The following CASD1 variants were observed in gnomAD, a reference collection of about 807,000 sequenced individuals.
CASD1 encodes N-acetylneuraminate (7)9-O-acetyltransferase.
In CASD1, 41 loss-of-function variants were observed where a neutral mutation model predicts 100.0. The ratio of observed to expected loss-of-function variants is 0.41; its 90% CI spans 0.32 to 0.53. The LOEUF is 0.53. Among genes scored for constraint, CASD1 ranks in the 20% least tolerant of loss-of-function variants. CASD1 has a pLI of 0.25. For missense variants in CASD1, 774 were observed against 948.7 expected (o/e 0.82, Z 2.42); for synonymous variants, 321 against 315.6 (o/e 1.02, Z -0.18).
At chr7:94,590,954 A>G in the CASD1 span, 1 of 152,100 alleles carries the variant, frequency 6.6e-6, no homozygotes, top group East Asian at 1.9e-4. Flanking sequence ...AGTTTTTTTT[A>G]ATGTTTCAGT....
At chr7:94,531,286 T>C (rs1584399907) in intron 5 of CASD1, among the ~76,000 whole-genome samples, 1 of 152,202 alleles carries the variant, frequency 6.6e-6, no homozygotes, top group East Asian at 1.9e-4. Flanking sequence ...GGAGGAAATG[T>C]AGACAGAGGA....
At chr7:94,568,877 C>T in the CASD1 span, among the ~76,000 whole-genome samples, 1 of 152,272 alleles carries the variant, frequency 6.6e-6, no homozygotes, top group South Asian at 2.1e-4. Flanking sequence ...ATCAACTCTA[C>T]CAGCACTTTG....
the CASD1 span, among the ~76,000 whole-genome samples, chr7:94,603,953 A>G: frequency 6.6e-6 from 1 of 152,102 alleles, no homozygotes; most frequent in Non-Finnish European, 1.5e-5. Flanking sequence ...TATTTTACCT[A>G]TCAGTTCTGT....
chr7:94,625,488 G>A, the CASD1 span: 8 of 151,964 alleles, frequency 5.3e-5, no homozygotes, highest in Admixed American at 2.6e-4. Flanking sequence ...TTCTCTCCTA[G>A]CCTAAGCCCT....
At chr7:94,551,056 A>G (rs1341036301) in intron 14 of CASD1, among the ~76,000 whole-genome samples, 1 of 152,008 alleles carries the variant, frequency 6.6e-6, no homozygotes, top group East Asian at 1.9e-4. Flanking sequence ...TTATTTTTAA[A>G]TTGTCTTTAT....
At chr7:94,562,363 CTAAG>C in the CASD1 span, among the ~76,000 whole-genome samples, 1 of 152,050 alleles carries the variant, frequency 6.6e-6, no homozygotes. Context: ...TCTGGTAGTC[CTAAG>C]TGTTTCTTCA....
intron 10 of CASD1, among the ~76,000 whole-genome samples, chr7:94,543,114 T>C (rs1795496906): frequency 6.6e-6 from 1 of 152,056 alleles, no homozygotes; most frequent in African/African-American, 2.4e-5. Flanking sequence ...TAAAAGAGAC[T>C]TGACAAAGGA....
intron 10 of CASD1, among the ~76,000 whole-genome samples, chr7:94,539,846 C>G (rs1334499712): frequency 6.6e-6 from 1 of 152,038 alleles, no homozygotes; most frequent in Admixed American, 6.6e-5. Context: ...TAAAAAACTT[C>G]CAACTCTCTT....
intron 3 of CASD1, among the ~76,000 whole-genome samples, chr7:94,522,621 T>A (rs1794338881): frequency 6.6e-6 from 1 of 152,018 alleles, no homozygotes; most frequent in Non-Finnish European, 1.5e-5. Flanking sequence ...AGGGAAATGT[T>A]TGTTTGAAGC....
rs150811487 is a variant in CASD1 at position 94,518,272 on chromosome 7, T to C, written c.300T>C (p.Phe100=). The part of the protein sequence containing the change: ...FIGDSRIRQL[F]YSFVKIINPQ... The stretch of plus-strand genomic sequence containing the variant: ...GAGATTCCAGAATTCGTCAATTGTT[T>C]TATTCTTTTGTAAAAATAATTAATC... Residue 100 remains phenylalanine (F), a synonymous_variant, in exon 3 of 18, where the codon TTT becomes TTC. Transcript: ENST00000297273. 83 of 1,582,392 alleles carry C rather than the reference T, an allele frequency of 5.2e-5. No homozygotes were observed. The African/African-American group carries it at 1.1e-3, about 20-fold the overall frequency.
the CASD1 span, among the ~76,000 whole-genome samples, chr7:94,615,886 T>C: frequency 6.6e-6 from 1 of 152,204 alleles, no homozygotes; most frequent in Non-Finnish European, 1.5e-5. Flanking sequence ...CCACAAGGCC[T>C]TAGCCTCTGG....
the CASD1 span, chr7:94,584,854 TC>T: frequency 6.6e-6 from 1 of 152,164 alleles, no homozygotes; most frequent in African/African-American, 2.4e-5. Flanking sequence ...CCAAATGTCC[TC>T]CCATTCCAGT....
intron 17 of CASD1, 58 bp downstream of exon 17, chr7:94,554,633 G>A: frequency 9.3e-7 from 1 of 1,072,680 alleles, no homozygotes; most frequent in Admixed American, 1.8e-5. Flanking sequence ...GTTTGTGTAT[G>A]TACGTGTGTG....
the CASD1 span, among the ~76,000 whole-genome samples, chr7:94,602,748 C>A: frequency 6.6e-6 from 1 of 152,038 alleles, no homozygotes; most frequent in South Asian, 2.1e-4. Context: ...TGTTAACATG[C>A]AAATTAAAAT....
At chr7:94,554,017 A>G (rs954860784) in intron 16 of CASD1, 15 of 152,918 alleles carry the variant, frequency 9.8e-5, no homozygotes, top group African/African-American at 3.6e-4. Context: ...ACATGAAGAC[A>G]TGTTAAAAGC....
rs538192806 is a variant in CASD1 at position 94,529,376 on chromosome 7, C to G, written c.459+1126C>G. Among the ~76,000 whole-genome samples, 8 of 152,234 alleles carry G rather than the reference C, an allele frequency of 5.3e-5. No homozygotes were observed. The East Asian group carries it at 1.5e-3, about 29-fold the overall frequency. ...GAGATATATTACATAACCAAAATTT[C>G]AATTCTCATACATTTGTTAAAGCTA... On this transcript the variant is annotated intron_variant, in intron 5 of 17. Transcript: ENST00000297273.
the CASD1 span, among the ~76,000 whole-genome samples, chr7:94,595,111 C>G: frequency 5.3e-5 from 8 of 152,254 alleles, no homozygotes; most frequent in African/African-American, 1.9e-4. Context: ...ATCAGTGTCT[C>G]AAATTTATCA....
At chr7:94,585,416 G>T in the CASD1 span, 1 of 1,209,274 alleles carries the variant, frequency 8.3e-7, no homozygotes, top group Non-Finnish European at 1.2e-6. Flanking sequence ...AAAAGCTCAT[G>T]CATTATTGGA....
intron 13 of CASD1, among the ~76,000 whole-genome samples, chr7:94,547,801 T>C (rs1795751936): frequency 6.6e-6 from 1 of 151,824 alleles, no homozygotes; most frequent in African/African-American, 2.4e-5. Context: ...AACAACACAT[T>C]TTAATTCAAA....
Sources: gnomAD v4.1 joint callset for allele counts (sites outside exome capture counted in the v4.1 genomes callset) on GRCh38, gnomAD v4.1.1 for gene constraint, MANE v1.5 for transcripts, NCBI Gene and HGNC (gene_info 2026-07-23, HGNC 2026-07-21) for gene names.